PIKFYVE: variants seen among roughly 807,000 people sequenced by gnomAD.
The protein encoded by PIKFYVE is 1-phosphatidylinositol 3-phosphate 5-kinase.
PIKFYVE carries 122 observed loss-of-function variants against 257.9 expected under a neutral mutation model. The observed-to-expected ratio is 0.47, with a 90% confidence interval of 0.41 to 0.55. The LOEUF (loss-of-function observed/expected upper bound fraction) is 0.55. PIKFYVE is among the 20% of genes least tolerant of loss of function. PIKFYVE has a pLI of 0.00. For missense variants in PIKFYVE, 2,160 were observed against 2,536.6 expected, an observed-to-expected ratio of 0.85 and a Z score of 3.19; for synonymous variants, 892 against 868.9, an observed-to-expected ratio of 1.03 and a Z score of -0.47.
chr2:208,333,433 A>C lies in PIKFYVE; in HGVS notation c.4082A>C (p.His1361Pro). 6.2e-7 allele frequency: 1 copy of C among 1,613,990 alleles called. No homozygotes were observed. The highest frequency in any genetic ancestry group is 8.5e-7 in the Non-Finnish European group (1 of 1,179,988). ...AGAGCCAACGCTGAGCCCTGTGGTCACTCCATCCATCATGATTATCACCAG... is the reference window on the plus strand; with the variant it reads ...AGAGCCAACGCTGAGCCCTGTGGTCCCTCCATCCATCATGATTATCACCAG... ...TRRANAEPCG[H>P]SIHHDYHQYF... Residue 1361 changes from histidine (H) to proline (P), a missense_variant, in exon 24 of 42, where the codon CAC (histidine) becomes CCC (proline). This residue lies in a region of PIKFYVE where 699 missense variants were observed against 855.8 expected (regional missense o/e 0.82). Transcript: ENST00000264380.
chr2:208,298,706 C>T lies in PIKFYVE; in HGVS notation c.977C>T (p.Thr326Ile). 6.2e-7 allele frequency: 1 copy of T among 1,613,908 alleles called. No homozygotes were observed. The highest frequency in any genetic ancestry group is 2.2e-5 in the East Asian group (1 of 44,882). ...TCTCCTATGGTACCTTCATATGAGA[C>T]ATCTGTCAGTCCCCAGGCTAACCGA... ...SGSPMVPSYE[T>I]SVSPQANRTY... is the part of the protein sequence containing the mutation. Residue 326 changes from threonine (T) to isoleucine (I), a missense_variant, in exon 8 of 42, where the codon ACA becomes ATA. Coordinates refer to ENST00000264380, the MANE Select transcript of PIKFYVE (RefSeq NM_015040.4).
At chr2:208,318,953 A>C (rs1695883934) in intron 16 of PIKFYVE, among the ~76,000 whole-genome samples, 2 of 149,626 alleles carry the variant, frequency 1.3e-5, no homozygotes, top group African/African-American at 4.9e-5. Context: ...TCCGTCTCAA[A>C]AAAAAAAAAA....
chr2:208,338,646 T>A (rs768982960), intron 29 of PIKFYVE, 78 bp downstream of exon 29: 10 of 1,440,906 alleles, frequency 6.9e-6, no homozygotes, highest in Non-Finnish European at 9.7e-6. Flanking sequence ...TTAAACTGTT[T>A]GAGCAGTTTT....
At chr2:208,282,501 C>T (rs149139303) in intron 5 of PIKFYVE, among the ~76,000 whole-genome samples, 15 of 152,316 alleles carry the variant, frequency 9.8e-5, no homozygotes, top group African/African-American at 3.4e-4. Flanking sequence ...GGCCAGTAGG[C>T]TGGAAACTCC....
intron 36 of PIKFYVE, 49 bp from the exon 37 acceptor site, chr2:208,350,722 A>ATG: frequency 6.3e-7 from 1 of 1,595,220 alleles, no homozygotes; most frequent in Non-Finnish European, 8.6e-7. Context: ...AGGAGGAAAG[A>ATG]TATTTTCTGA....
intron 1 of PIKFYVE, among the ~76,000 whole-genome samples, chr2:208,270,699 T>C (rs1365069229): frequency 1.3e-5 from 2 of 152,228 alleles, no homozygotes; most frequent in East Asian, 3.9e-4. Flanking sequence ...TTTCATGTCC[T>C]CGTCTTAGAA....
intron 7 of PIKFYVE, among the ~76,000 whole-genome samples, chr2:208,297,396 A>G (rs975696450): frequency 1.3e-5 from 2 of 152,226 alleles, no homozygotes; most frequent in African/African-American, 4.8e-5. Context: ...AAAATTGCTT[A>G]TCGGCTATTT....
In PIKFYVE at chr2:208,326,196, C is replaced by A; in HGVS notation, c.3385C>A (p.Pro1129Thr). The change falls in exon 20 of 42, where the codon CCC becomes ACC. Residue 1129 changes from proline (P) to threonine (T), a missense_variant. Coordinates refer to ENST00000264380, the MANE Select transcript of PIKFYVE (RefSeq NM_015040.4). ...SIQAKSIQVL[P>T]SHELVSTRIA... is the part of the protein sequence containing the mutation. ...TCAGGCCAAGTCTATTCAAGTCTTA[C>A]CCTCACATGAGCTAGTGAGCACTAG... is the stretch of plus-strand genomic sequence containing the variant. 1 of 1,607,380 alleles carries A rather than the reference C, an allele frequency of 6.2e-7. No individual in the cohort carries two copies. Among genetic ancestry groups the A allele is most frequent in the South Asian group, 1.1e-5 (1 of 90,028 alleles).
rs1699712835 is a variant in PIKFYVE at position 208,350,873 on chromosome 2, T to G, written c.5537T>G (p.Ile1846Ser). 1 of 1,614,046 alleles carries G rather than the reference T, an allele frequency of 6.2e-7. No homozygotes were observed. Among genetic ancestry groups the G allele is most frequent in the South Asian group, 1.1e-5 (1 of 91,088 alleles). ...CTGGACAGCAGTGAAGAAGATTTCA[T>G]TCGTTCCCTCTCCCACTCATCACCC... Reference protein sequence around the residue: ...VILDSSEEDFIRSLSHSSPWQ... With the variant: ...VILDSSEEDFSRSLSHSSPWQ... Residue 1846 changes from isoleucine (I) to serine (S), a missense_variant, in exon 37 of 42, where the codon ATT (isoleucine) becomes AGT (serine). Physicochemically the swap from Ile to Ser is moderately radical, Grantham distance 142 (BLOSUM62 -2). Around this residue, in one of 12 missense-constraint regions of PIKFYVE, gnomAD observed 699 missense variants for 855.8 expected, o/e 0.82. Transcript: ENST00000264380.
chr2:208,306,771 C>G (rs1694363970), intron 12 of PIKFYVE, among the ~76,000 whole-genome samples: 1 of 96,620 alleles, frequency 1.0e-5, no homozygotes, highest in African/African-American at 3.6e-5. Flanking sequence ...TCCCTGATTT[C>G]AATCCTTTTT....
Position 208,335,560 on chromosome 2 carries a change from TAGA to T in PIKFYVE, c.4256+142_4256+144del, listed in dbSNP as rs1397143069. ...TGCTTGGTGTACAAAAAGAAAATTG[TAGA>T]CGCTATGGAAAGATAATAAAAAAGA... On this transcript the variant is annotated intron_variant, in intron 25 of 41. Transcript: ENST00000264380. The T allele has an allele frequency of 9.7e-6, 8 of 825,088 alleles. No homozygotes were observed. The East Asian group carries it at 1.9e-4, about 19-fold the overall frequency. The allele number at this position is 825,088 out of a possible 1,614,324, so 51.1% of individuals were successfully genotyped here. A position where few individuals can be genotyped will look rare whatever the true frequency, so the allele number is the denominator to read the frequency against.
intron 7 of PIKFYVE, among the ~76,000 whole-genome samples, chr2:208,295,832 C>T (rs189411801): frequency 6.6e-6 from 1 of 152,306 alleles, no homozygotes; most frequent in African/African-American, 2.4e-5. Context: ...TCTTACTAAT[C>T]TTTCAGTCAA....
intron 31 of PIKFYVE, among the ~76,000 whole-genome samples, chr2:208,341,484 G>C (rs1211441149): frequency 1.3e-5 from 2 of 152,000 alleles, no homozygotes; most frequent in Non-Finnish European, 2.9e-5. Context: ...TATGATTCCT[G>C]TCTTGGTCCG....
chr2:208,276,924 C>T (rs1028614422), intron 4 of PIKFYVE, 94 bp downstream of exon 4: 1 of 993,320 alleles, frequency 1.0e-6, no homozygotes, highest in Non-Finnish European at 1.5e-6. Context: ...TGAAAGAAAG[C>T]TTAATTAGCG....
rs544470166 is a variant in PIKFYVE, at chr2:208,325,535, A to C, written c.2724A>C (p.Gly908=). The stretch of plus-strand genomic sequence containing the variant: ...GGGCTGTCCAAGAGCAGTACGGTGG[A>C]GGTTCCATCCCCTGGGATCCTGACA... ...HEGAVQEQYG[G]GSIPWDPDIP... Residue 908 remains glycine (G), a synonymous_variant, in exon 20 of 42, where the codon GGA becomes GGC. Coordinates refer to ENST00000264380, the MANE Select transcript of PIKFYVE (RefSeq NM_015040.4). 3 of 1,614,052 alleles carry C rather than the reference A, an allele frequency of 1.9e-6. No homozygotes were observed. The South Asian group carries it at 3.3e-5, about 18-fold the overall frequency.
chr2:208,267,936 G>A (rs1392622508), intron 1 of PIKFYVE, among the ~76,000 whole-genome samples: 1 of 152,138 alleles, frequency 6.6e-6, no homozygotes, highest in Admixed American at 6.5e-5. Flanking sequence ...GAGCAGCCAC[G>A]TCCGGCCTTT....
chr2:208,268,423 CTTTTTTTTTTTTT>C (rs35632672), intron 1 of PIKFYVE, among the ~76,000 whole-genome samples: 1 of 78,696 alleles, frequency 1.3e-5, no homozygotes, highest in Non-Finnish European at 2.5e-5. Context: ...CTCCAGAGCT[CTTTTTTTTTTTTT>C]TTTTTTTTTC....
intron 20 of PIKFYVE, among the ~76,000 whole-genome samples, chr2:208,327,154 T>C (rs1301367446): frequency 1.3e-5 from 2 of 152,172 alleles, no homozygotes; most frequent in South Asian, 2.1e-4. Context: ...ATTTGTCAGA[T>C]TGACAAAAAG....
chr2:208,301,217 A>G (rs1693637357), intron 9 of PIKFYVE, 123 bp downstream of exon 9: 1 of 1,259,024 alleles, frequency 7.9e-7, no homozygotes, highest in South Asian at 1.4e-5. Context: ...TATGTAATTG[A>G]TGGTTTAGGG....
Sources: allele counts gnomAD v4.1 joint callset (sites outside exome capture counted in the v4.1 genomes callset), GRCh38; gene constraint gnomAD v4.1.1; regional missense constraint gnomAD v4.1.1; transcripts MANE v1.5; gene names NCBI Gene and HGNC (gene_info 2026-07-23, HGNC 2026-07-21).